Variants in SPAG16 observed in about 807,000 individuals in gnomAD.
The protein encoded by SPAG16 is sperm-associated antigen 16 protein.
SPAG16 carries 86 observed loss-of-function variants against 80.4 expected under a neutral mutation model. The observed-to-expected ratio is 1.07, with a 90% CI of 0.90 to 1.28. SPAG16 has a LOEUF of 1.28. Among genes scored for constraint, SPAG16 ranks in the 50% most tolerant of loss-of-function variants. The pLI is 0.00. For missense variants in SPAG16, 870 were observed against 765.3 expected (o/e 1.14, Z -1.61); for synonymous variants, 294 against 265.9 (o/e 1.11, Z -1.03).
chr2:213,409,979 T>C (rs2068866249), intron 9 of SPAG16, among the ~76,000 whole-genome samples: 1 of 152,182 alleles, frequency 6.6e-6, no homozygotes, highest in Admixed American at 6.5e-5. Context: ...GGAACCAGCC[T>C]GAAGATCACG....
At chr2:213,380,749 G>A (rs576323682) in intron 9 of SPAG16, among the ~76,000 whole-genome samples, 1 of 152,262 alleles carries the variant, frequency 6.6e-6, no homozygotes, top group Admixed American at 6.5e-5. Flanking sequence ...AGAGGCCTCC[G>A]CTGTGATTCA....
intron 15 of SPAG16, among the ~76,000 whole-genome samples, chr2:214,163,203 CTT>C (rs36028568): frequency 0.042 from 6,401 of 151,944 alleles, 182 homozygotes; most frequent in Middle Eastern, 0.075. Flanking sequence ...TCTTTTTTCC[CTT>C]TGTCAAATAT....
intron 15 of SPAG16, among the ~76,000 whole-genome samples, chr2:214,263,161 G>A (rs1019069035): frequency 3.3e-5 from 5 of 151,942 alleles, no homozygotes; most frequent in Admixed American, 3.3e-4. Flanking sequence ...AGATCTCCAG[G>A]ACTTTTTCAT....
intron 7 of SPAG16, among the ~76,000 whole-genome samples, chr2:213,362,082 C>G (rs546983649): frequency 6.6e-6 from 1 of 152,082 alleles, no homozygotes; most frequent in African/African-American, 2.4e-5. Flanking sequence ...AGATGTTGGG[C>G]ACAAGGGAAG....
At chr2:214,212,727 G>A (rs752277336) in intron 15 of SPAG16, among the ~76,000 whole-genome samples, 2 of 152,122 alleles carry the variant, frequency 1.3e-5, no homozygotes, top group East Asian at 1.9e-4. Flanking sequence ...TCATCCCTTC[G>A]ATAGATGAAC....
chr2:213,966,235 A>G (rs1413693164), intron 12 of SPAG16, among the ~76,000 whole-genome samples: 3 of 152,150 alleles, frequency 2.0e-5, no homozygotes, highest in African/African-American at 7.2e-5. Flanking sequence ...GGGTCTGAGA[A>G]CAATTGTAAC....
At chr2:214,327,848 T>A (rs1414204038) in intron 15 of SPAG16, among the ~76,000 whole-genome samples, 1 of 152,194 alleles carries the variant, frequency 6.6e-6, no homozygotes, top group Non-Finnish European at 1.5e-5. Context: ...CTCTTCCTGA[T>A]GGAAAAGTAT....
intron 12 of SPAG16, among the ~76,000 whole-genome samples, chr2:213,990,417 A>G (rs2046221043): frequency 6.6e-6 from 1 of 152,126 alleles, no homozygotes; most frequent in Admixed American, 6.6e-5. Flanking sequence ...AACTTTTGAC[A>G]TTCCCAAACC....
intron 10 of SPAG16, among the ~76,000 whole-genome samples, chr2:213,837,922 C>A (rs1424221738): frequency 6.6e-6 from 1 of 152,032 alleles, no homozygotes; most frequent in Non-Finnish European, 1.5e-5. Flanking sequence ...AAGGAAGGGA[C>A]CATGAGCCAA....
intron 15 of SPAG16, among the ~76,000 whole-genome samples, chr2:214,233,422 G>A (rs1688847781): frequency 6.6e-6 from 1 of 151,874 alleles, no homozygotes; most frequent in East Asian, 1.9e-4. Context: ...GATGTAAAAG[G>A]AAAGGGAATA....
intron 13 of SPAG16, among the ~76,000 whole-genome samples, chr2:214,070,883 T>C (rs1431602950): frequency 6.6e-6 from 1 of 152,138 alleles, no homozygotes; most frequent in South Asian, 2.1e-4. Context: ...CAGGGCTTTA[T>C]AATTTTTTCT....
At chr2:213,318,796 C>T (rs1363876168) in intron 5 of SPAG16, among the ~76,000 whole-genome samples, 1 of 151,736 alleles carries the variant, frequency 6.6e-6, no homozygotes, top group African/African-American at 2.4e-5. Context: ...GCACTAATAC[C>T]ATATTTTGTA....
chr2:214,280,289 A>T (rs558096973), intron 15 of SPAG16, among the ~76,000 whole-genome samples: 6 of 152,228 alleles, frequency 3.9e-5, no homozygotes, highest in Non-Finnish European at 1.5e-5. Flanking sequence ...TAAGATGTCA[A>T]TTCTCCCCAG....
intron 9 of SPAG16, among the ~76,000 whole-genome samples, chr2:213,458,410 T>TA (rs869226574): frequency 2.6e-4 from 37 of 143,374 alleles, no homozygotes; most frequent in African/African-American, 5.3e-4. Context: ...TACTAAAAAT[T>TA]AAAAAAAAAA....
chr2:213,885,028 T>C (rs1374684198), intron 11 of SPAG16, among the ~76,000 whole-genome samples: 1 of 152,194 alleles, frequency 6.6e-6, no homozygotes, highest in African/African-American at 2.4e-5. Flanking sequence ...GGGGAGGAAC[T>C]GGTAGACTCC....
intron 10 of SPAG16, among the ~76,000 whole-genome samples, chr2:213,799,225 T>C (rs2071230531): frequency 6.6e-6 from 1 of 152,148 alleles, no homozygotes; most frequent in Admixed American, 6.5e-5. Flanking sequence ...ATTCCATGTA[T>C]TTAGGTCTTG....
chr2:214,348,986 A>AAATTTAC (rs902690500), intron 15 of SPAG16, among the ~76,000 whole-genome samples: 251 of 152,336 alleles, frequency 1.6e-3, no homozygotes, highest in African/African-American at 5.9e-3. Flanking sequence ...TTTTACAATT[A>AAATTTAC]AATTTACAAT....
intron 10 of SPAG16, among the ~76,000 whole-genome samples, chr2:213,551,704 G>A (rs896884295): frequency 2.0e-5 from 3 of 152,034 alleles, no homozygotes; most frequent in African/African-American, 7.2e-5. Context: ...TGAGTTGAAG[G>A]GACACTCACT....
At chr2:214,081,106 A>G (rs1559768430) in intron 13 of SPAG16, among the ~76,000 whole-genome samples, 1 of 150,702 alleles carries the variant, frequency 6.6e-6, no homozygotes, top group Non-Finnish European at 1.5e-5. Flanking sequence ...TAATATTAGA[A>G]TTTAAATATA....
Sources: allele counts gnomAD v4.1 joint callset (sites outside exome capture counted in the v4.1 genomes callset), GRCh38; gene constraint gnomAD v4.1.1; transcripts MANE v1.5; gene names NCBI Gene and HGNC (gene_info 2026-07-23, HGNC 2026-07-21).